The following PCDHGA1 variants were observed in gnomAD, a reference collection of about 807,000 sequenced individuals.
PCDHGA1 encodes protocadherin gamma subfamily A, 1, also known as protocadherin gamma-A1.
Under a neutral mutation model 58.0 loss-of-function variants are expected in PCDHGA1, and 32 were observed. The ratio of observed to expected loss-of-function variants is 0.55; its 90% confidence interval spans 0.42 to 0.74. The LOEUF is 0.74. Among genes scored for constraint, PCDHGA1 ranks in the 30% least tolerant of loss-of-function variants. PCDHGA1 has a pLI of 0.00. For synonymous variants in PCDHGA1, 498 were observed against 501.1 expected (o/e 0.99, Z 0.08); for missense variants, 1,205 against 1,182.3 (o/e 1.02, Z -0.28).
At chr5:141,350,332 C>T (rs774589363) in intron 1 of PCDHGA1, 1 of 1,537,558 alleles carries the variant, frequency 6.5e-7, no homozygotes, top group Non-Finnish European at 8.7e-7. Flanking sequence ...CTTTGTTCTG[C>T]GGGGCCATCT....
chr5:141,361,091 T>C (rs1409498105), intron 1 of PCDHGA1: 3 of 1,613,898 alleles, frequency 1.9e-6, no homozygotes, highest in Non-Finnish European at 2.5e-6. Flanking sequence ...ACTCTGAGTA[T>C]CGAAGCAAAA....
Position 141,422,492 on chromosome 5 carries a change from C to T in PCDHGA1, c.2422-72315C>T, listed in dbSNP as rs747903569. 2.5e-6 allele frequency: 4 copies of T among 1,613,934 alleles called. No homozygotes were observed. The East Asian group carries it at 6.7e-5, about 27-fold the overall frequency. ...GAGTTGGTCCAGAGCTACAATATAA[C>T]GTTGACAGCCACAGACCAGGGAAGC... On this transcript the variant is annotated intron_variant, in intron 1 of 3. Coordinates refer to ENST00000517417, the MANE Select transcript of PCDHGA1 (RefSeq NM_018912.3).
chr5:141,507,263 T>C (rs755395344), intron 3 of PCDHGA1: 1 of 152,038 alleles, frequency 6.6e-6, no homozygotes, highest in Non-Finnish European at 1.5e-5. Flanking sequence ...AAACAGCAAG[T>C]ACTATTTCAG....
At chr5:141,384,891 G>A in intron 1 of PCDHGA1, 1 of 1,613,876 alleles carries the variant, frequency 6.2e-7, no homozygotes, top group Non-Finnish European at 8.5e-7. Flanking sequence ...CCGTGGCTGT[G>A]GCTGACAGCA....
intron 1 of PCDHGA1, among the ~76,000 whole-genome samples, chr5:141,461,604 T>G (rs1166575574): frequency 6.6e-6 from 1 of 152,228 alleles, no homozygotes; most frequent in Non-Finnish European, 1.5e-5. Context: ...TATAATTTAG[T>G]TCAAAGTATT....
chr5:141,394,194 A>C (rs919478906), intron 1 of PCDHGA1: 3 of 1,613,842 alleles, frequency 1.9e-6, no homozygotes, highest in Non-Finnish European at 2.5e-6. Flanking sequence ...CTCAGCGTAT[A>C]TCCTAGAGAA....
rs1287643714 is a variant in PCDHGA1 at position 141,332,196 on chromosome 5, C to T, written c.1512C>T (p.Tyr504=). ...TCCAGGGGGCACCCCTATCTGCCTACCTCTCCATCAACTCCGACACTGGGG... is the reference window on the plus strand; with the variant it reads ...TCCAGGGGGCACCCCTATCTGCCTATCTCTCCATCAACTCCGACACTGGGG... The part of the protein sequence containing the change: ...DTIQGAPLSA[Y]LSINSDTGVL... Residue 504 remains tyrosine (Y), a synonymous_variant, in exon 1 of 4, where the codon TAC becomes TAT. Coordinates refer to ENST00000517417, the MANE Select transcript of PCDHGA1 (RefSeq NM_018912.3). The surrounding 1 kb of genome is among the most constrained non-coding windows in gnomAD (Gnocchi z 4.6). The T allele has an allele frequency of 6.2e-7, 1 of 1,614,234 alleles. No individual in the cohort carries two copies. Among genetic ancestry groups the T allele is most frequent in the Admixed American group, 1.7e-5 (1 of 60,022 alleles).
intron 1 of PCDHGA1, chr5:141,403,303 C>T (rs1561687273): frequency 1.9e-6 from 3 of 1,613,820 alleles, no homozygotes; most frequent in South Asian, 2.2e-5. Flanking sequence ...TGAAACTGTA[C>T]GGAATAGAAA....
At chr5:141,410,818 T>C (rs567397835) in intron 1 of PCDHGA1, 1 of 556,016 alleles carries the variant, frequency 1.8e-6, no homozygotes, top group African/African-American at 2.1e-5. Context: ...TGTAAAATAA[T>C]GTCACCAGAC....
intron 1 of PCDHGA1, chr5:141,388,306 A>G (rs1315280677): frequency 6.2e-7 from 1 of 1,613,826 alleles, no homozygotes; most frequent in South Asian, 1.1e-5. Flanking sequence ...TTTGAGCTGC[A>G]AATAAGTGAG....
chr5:141,466,148 G>A (rs1201643685), intron 1 of PCDHGA1, among the ~76,000 whole-genome samples: 1 of 151,814 alleles, frequency 6.6e-6, no homozygotes, highest in Non-Finnish European at 1.5e-5. Flanking sequence ...GAAAACTCTG[G>A]TCTTAAACTG....
intron 1 of PCDHGA1, chr5:141,345,662 C>A: frequency 6.2e-7 from 1 of 1,614,224 alleles, no homozygotes; most frequent in Non-Finnish European, 8.5e-7. Flanking sequence ...CTCCACTCAG[C>A]AGCAACGTGT....
chr5:141,340,235 C>T (rs934782575), intron 1 of PCDHGA1: 41 of 1,614,066 alleles, frequency 2.5e-5, no homozygotes, highest in Non-Finnish European at 3.1e-5. Flanking sequence ...CAACATCACT[C>T]TAACCGCTAA....
At position 141,491,111 on chromosome 5, in the gene PCDHGA1, A is replaced by G; in HGVS notation, c.2422-3696A>G. 1 of 1,614,162 alleles carries G rather than the reference A, an allele frequency of 6.2e-7. No individual in the cohort carries two copies. Among genetic ancestry groups the G allele is most frequent in the Non-Finnish European group, 8.5e-7 (1 of 1,180,026 alleles). Reference sequence around the variant, plus strand: ...CCAGGACTGTTCCTCGTGTCTACACACACTGGTGAGGTGCGCACAGCCCGG... The same window carrying G: ...CCAGGACTGTTCCTCGTGTCTACACGCACTGGTGAGGTGCGCACAGCCCGG... On this transcript the variant is annotated intron_variant, in intron 1 of 3. Transcript: ENST00000517417. This position sits in a 1 kb window ranked among gnomAD's most constrained non-coding sequence, Gnocchi z 6.9.
chr5:141,379,819 A>T (rs1775847622), intron 1 of PCDHGA1, among the ~76,000 whole-genome samples: 1 of 150,144 alleles, frequency 6.7e-6, no homozygotes, highest in African/African-American at 2.4e-5. Context: ...TCAGTATAGA[A>T]TTTTGAAGCA....
At chr5:141,385,281 C>G (rs761366864) in intron 1 of PCDHGA1, 15 of 1,613,230 alleles carry the variant, frequency 9.3e-6, no homozygotes, top group Admixed American at 3.3e-5. Flanking sequence ...TGCTAACATC[C>G]GTAGATTTTC....
intron 1 of PCDHGA1, among the ~76,000 whole-genome samples, chr5:141,481,620 C>G (rs1449979532): frequency 6.6e-6 from 1 of 152,112 alleles, no homozygotes; most frequent in African/African-American, 2.4e-5. Context: ...GAGTTCAAGA[C>G]CGGCCTGGCC....
intron 1 of PCDHGA1, chr5:141,400,006 G>T (rs758879836): frequency 1.9e-5 from 30 of 1,612,536 alleles, no homozygotes; most frequent in Non-Finnish European, 2.5e-5. Flanking sequence ...CACAGCGCGT[G>T]CCTTGGGCGA....
At chr5:141,450,829 A>ATTAT (rs1554136902) in intron 1 of PCDHGA1, among the ~76,000 whole-genome samples, 14 of 135,142 alleles carry the variant, frequency 1.0e-4, no homozygotes, top group African/African-American at 3.3e-4. Context: ...TATTATTATT[A>ATTAT]TTTTTTTTTT....
Sources: allele counts gnomAD v4.1 joint callset (sites outside exome capture counted in the v4.1 genomes callset), GRCh38; gene constraint gnomAD v4.1.1; non-coding constraint Gnocchi (gnomAD v3.1); transcripts MANE v1.5; gene names NCBI Gene and HGNC (gene_info 2026-07-23, HGNC 2026-07-21).